Variants in RIMS1 observed in about 807,000 individuals in gnomAD.
RIMS1 encodes the protein regulating synaptic membrane exocytosis 1.
In RIMS1, 83 loss-of-function variants were observed where a neutral mutation model predicts 214.1. The ratio of observed to expected loss-of-function variants is 0.39; its 90% CI spans 0.32 to 0.47. The LOEUF (loss-of-function observed/expected upper bound fraction) is 0.47. RIMS1 is among the 20% of genes least tolerant of loss of function. The pLI is 0.99. For missense variants in RIMS1, 2,050 were observed against 2,161.8 expected, an observed-to-expected ratio of 0.95 and a Z score of 1.03; for synonymous variants, 793 against 786.8, an observed-to-expected ratio of 1.01 and a Z score of -0.13.
intron 29 of RIMS1, among the ~76,000 whole-genome samples, chr6:72,360,639 A>C (rs531039339): frequency 1.1e-4 from 17 of 151,074 alleles, no homozygotes; most frequent in African/African-American, 3.9e-4. Context: ...ACATATCTAC[A>C]TGTATATGTG....
At chr6:72,382,830 C>T (rs1015203534) in intron 29 of RIMS1, among the ~76,000 whole-genome samples, 68 of 152,188 alleles carry the variant, frequency 4.5e-4, no homozygotes, top group African/African-American at 1.6e-3. Context: ...TGCCTCCATC[C>T]GTCCTCTACC....
intron 4 of RIMS1, among the ~76,000 whole-genome samples, chr6:72,154,349 T>C (rs2044158354): frequency 7.1e-6 from 1 of 140,584 alleles, no homozygotes; most frequent in Admixed American, 7.3e-5. Flanking sequence ...TGGCATTAGT[T>C]ATGCCTAGGA....
chr6:71,897,530 C>T (rs1028214659), intron 1 of RIMS1, among the ~76,000 whole-genome samples: 1 of 152,130 alleles, frequency 6.6e-6, no homozygotes, highest in East Asian at 1.9e-4. Context: ...CTTTTCTCTC[C>T]ATCAGAAATA....
Position 72,071,933 on chromosome 6 carries a change from A to C in RIMS1, c.246-25016A>C, listed in dbSNP as rs1357133279. ...GTCTTCAAATATTTGGATTAATGTCATGTGGAAAAAGGGTTAGGTTTATTC... is the reference window on the plus strand; with the variant it reads ...GTCTTCAAATATTTGGATTAATGTCCTGTGGAAAAAGGGTTAGGTTTATTC... On this transcript the variant is annotated intron_variant, in intron 2 of 33. Coordinates refer to ENST00000521978, the MANE Select transcript of RIMS1 (RefSeq NM_014989.7). Among the ~76,000 whole-genome samples, 4 of 152,348 alleles carry C rather than the reference A, an allele frequency of 2.6e-5. No homozygotes were observed. In the South Asian group the frequency reaches 8.3e-4, roughly 32 times the overall value.
At chr6:71,996,281 C>A (rs182110784) in intron 2 of RIMS1, among the ~76,000 whole-genome samples, 1 of 152,154 alleles carries the variant, frequency 6.6e-6, no homozygotes, top group African/African-American at 2.4e-5. Flanking sequence ...TATAACATGA[C>A]GTTAAGTCAA....
At chr6:72,377,851 CTTTCCTT>C (rs1407309042) in intron 29 of RIMS1, among the ~76,000 whole-genome samples, 3 of 152,088 alleles carry the variant, frequency 2.0e-5, no homozygotes, top group Non-Finnish European at 4.4e-5. Flanking sequence ...TTATTTTATT[CTTTCCTT>C]GTAACATTTA....
At chr6:72,313,719 A>T (rs971228020) in intron 28 of RIMS1, 47 bp downstream of exon 28, 1 of 1,524,726 alleles carries the variant, frequency 6.6e-7, no homozygotes. Flanking sequence ...TATCTGTGAT[A>T]TAAAAATACA....
intron 4 of RIMS1, among the ~76,000 whole-genome samples, chr6:72,176,773 C>G (rs1421069395): frequency 6.6e-6 from 1 of 152,080 alleles, no homozygotes; most frequent in African/African-American, 2.4e-5. Context: ...TAAATGAATA[C>G]AAAGTATTTT....
At chr6:71,962,578 T>C (rs9293859) in intron 1 of RIMS1, among the ~76,000 whole-genome samples, 2,549 of 152,254 alleles carry the variant, frequency 0.017, 75 homozygotes, top group African/African-American at 0.058. Flanking sequence ...CCTTATGGTG[T>C]AGAATTTTCA....
intron 2 of RIMS1, among the ~76,000 whole-genome samples, chr6:72,083,200 A>G (rs182778928): frequency 3.3e-5 from 5 of 152,342 alleles, no homozygotes; most frequent in African/African-American, 9.6e-5. Flanking sequence ...TTTTCTGTAT[A>G]TCATTCATTC....
chr6:72,330,352 T>A (rs1469079141), intron 28 of RIMS1, among the ~76,000 whole-genome samples: 3 of 151,648 alleles, frequency 2.0e-5, no homozygotes, highest in Non-Finnish European at 2.9e-5. Flanking sequence ...CTACTTGAGA[T>A]TTTTCAGCAA....
chr6:72,250,996 A>G lies in RIMS1; in HGVS notation c.2448A>G (p.Ser816=), dbSNP rs776366193. Residue 816 remains serine, a synonymous_variant, in exon 14 of 34, where the codon TCA becomes TCG. Coordinates refer to ENST00000521978, the MANE Select transcript of RIMS1 (RefSeq NM_014989.7). ...EPKWNQTFVY[S]HVHRRDFRER... Reference sequence around the variant, plus strand: ...AATGGAATCAAACTTTTGTCTATTCACATGTACATCGTAGAGATTTTAGAG... The same window carrying G: ...AATGGAATCAAACTTTTGTCTATTCGCATGTACATCGTAGAGATTTTAGAG... The G allele has an allele frequency of 6.4e-6, 10 of 1,562,382 alleles. No individual in the cohort carries two copies. The highest frequency in any genetic ancestry group is 1.7e-6 in the Non-Finnish European group (2 of 1,152,356).
chr6:72,394,015 A>G (rs903201719), intron 31 of RIMS1, among the ~76,000 whole-genome samples: 4 of 151,660 alleles, frequency 2.6e-5, no homozygotes, highest in Admixed American at 6.6e-5. Flanking sequence ...ACTTTTCAAA[A>G]TTATGAACTA....
intron 4 of RIMS1, among the ~76,000 whole-genome samples, chr6:72,147,641 T>C (rs2042931096): frequency 6.6e-6 from 1 of 152,116 alleles, no homozygotes; most frequent in Non-Finnish European, 1.5e-5. Flanking sequence ...GAAAAGAATG[T>C]TTTTCTGGCA....
rs563093348 is a variant in RIMS1, at chr6:72,160,407, C to T, written c.472-19168C>T. Among the ~76,000 whole-genome samples, 93 of 139,922 alleles carry T rather than the reference C, an allele frequency of 6.6e-4. 6 individuals carry two copies. The highest frequency in any genetic ancestry group is 2.1e-3 in the African/African-American group (87 of 40,556). The allele number at this position is 139,922 out of a possible 152,430, so 91.8% of individuals were successfully genotyped here. A position where few individuals can be genotyped will look rare whatever the true frequency, so the allele number is the denominator to read the frequency against. On this transcript the variant is annotated intron_variant, in intron 4 of 33. Coordinates refer to ENST00000521978, the MANE Select transcript of RIMS1 (RefSeq NM_014989.7). ...TCCTGCCTGATTGCCCTGGCCAGAA[C>T]TTCCAACACTATGTTGAATAGGAGT...
chr6:72,271,939 C>A (rs1263193334), intron 22 of RIMS1, among the ~76,000 whole-genome samples: 1 of 152,150 alleles, frequency 6.6e-6, no homozygotes, highest in African/African-American at 2.4e-5. Flanking sequence ...CCAGAGTGAT[C>A]TTTCTTCTTT....
At chr6:72,207,389 A>G (rs902138342) in intron 6 of RIMS1, among the ~76,000 whole-genome samples, 7 of 152,306 alleles carry the variant, frequency 4.6e-5, no homozygotes, top group Admixed American at 2.0e-4. Context: ...CTACTTGACT[A>G]TGTGCTTTCT....
chr6:72,032,584 C>G (rs770515767), intron 2 of RIMS1, among the ~76,000 whole-genome samples: 4 of 151,982 alleles, frequency 2.6e-5, no homozygotes, highest in Non-Finnish European at 4.4e-5. Flanking sequence ...TAAAAATGCT[C>G]TATTGCATTT....
intron 6 of RIMS1, among the ~76,000 whole-genome samples, chr6:72,209,617 A>G (rs1048180945): frequency 2.0e-5 from 3 of 152,128 alleles, no homozygotes; most frequent in Non-Finnish European, 2.9e-5. Context: ...AGAAATAAAC[A>G]CAGGCCGGGC....
Sources: gnomAD v4.1 joint callset for allele counts (sites outside exome capture counted in the v4.1 genomes callset) on GRCh38, gnomAD v4.1.1 for gene constraint, MANE v1.5 for transcripts, NCBI Gene and HGNC (gene_info 2026-07-23, HGNC 2026-07-21) for gene names.